GRM4: variants seen among roughly 807,000 people sequenced by gnomAD.
GRM4 encodes metabotropic glutamate receptor 4.
Under a neutral mutation model 81.7 loss-of-function variants are expected in GRM4, and 28 were observed. The observed-to-expected ratio is 0.34, with a 90% CI of 0.25 to 0.47. GRM4 has a LOEUF of 0.47. GRM4 is among the 20% of genes least tolerant of loss of function. The pLI is 1.00. For synonymous variants in GRM4, 488 were observed against 528.8 expected (o/e 0.92, Z 1.06); for missense variants, 948 against 1,290.0 (o/e 0.73, Z 4.06).
chr6:34,100,497 TC>T (rs974194396), intron 2 of GRM4, among the ~76,000 whole-genome samples: 3 of 152,046 alleles, frequency 2.0e-5, no homozygotes, highest in African/African-American at 7.2e-5. Flanking sequence ...TCCACCAGCC[TC>T]CCCCCATACA....
chr6:34,073,140 C>G (rs1472071933), intron 3 of GRM4, among the ~76,000 whole-genome samples: 6 of 24,892 alleles, frequency 2.4e-4, no homozygotes, highest in Non-Finnish European at 4.8e-4. Context: ...CACACACACA[C>G]ACACACATCA....
chr6:34,049,260 G>A (rs748916985), intron 6 of GRM4, among the ~76,000 whole-genome samples: 5 of 152,132 alleles, frequency 3.3e-5, no homozygotes, highest in South Asian at 4.2e-4. Flanking sequence ...CAATGGCCCC[G>A]TCCAGCCCTT....
rs138689656 is a variant in GRM4, at chr6:34,045,848, T to C, written c.1169-5100A>G. On this transcript the variant is annotated intron_variant, in intron 6 of 10. Coordinates refer to ENST00000538487, the MANE Select transcript of GRM4 (RefSeq NM_000841.4). ...AATTCCAGACACATGGCAGTGACAG[T>C]AGCAACAGTTTGAAGATGTCCTAAT... Among the ~76,000 whole-genome samples, 433 of 152,164 alleles carry C rather than the reference T, an allele frequency of 2.8e-3. 2 individuals carry two copies. Among genetic ancestry groups the C allele is most frequent in the African/African-American group, 9.7e-3 (404 of 41,462 alleles).
At chr6:34,026,178 A>G (rs985631427) in intron 10 of GRM4, among the ~76,000 whole-genome samples, 4 of 152,192 alleles carry the variant, frequency 2.6e-5, no homozygotes, top group African/African-American at 9.7e-5. Flanking sequence ...TTGTTTAAAG[A>G]TATGTAGCCT....
chr6:34,069,164 GTA>G lies in GRM4; in HGVS notation c.737-7138_737-7137del, dbSNP rs1021468913. On this transcript the variant is annotated intron_variant, in intron 3 of 10. Coordinates refer to ENST00000538487, the MANE Select transcript of GRM4 (RefSeq NM_000841.4). The surrounding 1 kb of genome is among the most constrained non-coding windows in gnomAD (Gnocchi z 6.4). ...AAGCTACCCCTGGACCCTCATGGGCGTATACACACACACACACACACACACAC... is the reference window on the plus strand; with the variant it reads ...AAGCTACCCCTGGACCCTCATGGGCGTACACACACACACACACACACACAC... Among the ~76,000 whole-genome samples the G allele has an allele frequency of 5.5e-4, 66 of 120,712 alleles. 1 individual carries two copies. The highest frequency in any genetic ancestry group is 4.0e-3 in the Middle Eastern group (1 of 252). The allele number at this position is 120,712 out of a possible 152,430, so 79.2% of individuals were successfully genotyped here.
At chr6:34,066,213 C>T (rs748109123) in intron 3 of GRM4, among the ~76,000 whole-genome samples, 8 of 152,054 alleles carry the variant, frequency 5.3e-5, no homozygotes, top group East Asian at 3.9e-4. Context: ...AGGGAAACCC[C>T]GGCACGTGGG....
At chr6:34,138,587 G>A (rs575039504) in intron 1 of GRM4, among the ~76,000 whole-genome samples, 9 of 152,306 alleles carry the variant, frequency 5.9e-5, no homozygotes, top group Non-Finnish European at 7.4e-5. Context: ...CTATCCATCC[G>A]GGCCCCCACT....
chr6:34,068,191 C>T lies in GRM4; in HGVS notation c.737-6163G>A, dbSNP rs1766587878. ...TGCATCCCCTCAGCCCACCTGGATT[C>T]ACCCTGGAGAACAGGGAGGCTTGGG... On this transcript the variant is annotated intron_variant, in intron 3 of 10. Transcript: ENST00000538487. The surrounding 1 kb of genome is among the most constrained non-coding windows in gnomAD (Gnocchi z 4.2). Among the ~76,000 whole-genome samples the T allele has an allele frequency of 6.6e-6, 1 of 152,146 alleles. No homozygotes were observed. Among genetic ancestry groups the T allele is most frequent in the African/African-American group, 2.4e-5 (1 of 41,436 alleles).
intron 2 of GRM4, among the ~76,000 whole-genome samples, chr6:34,125,189 G>A (rs879900291): frequency 2.0e-5 from 3 of 152,168 alleles, no homozygotes; most frequent in Non-Finnish European, 2.9e-5. Context: ...TCACCAGGAT[G>A]GTCTCGATCT....
rs1220322677 is a variant in GRM4, at chr6:34,059,422, T to TC, written c.873-295dup. ...TCTGTCCCTGCAAAGACCACACCTC[T>TC]CCCCTCCAGATCCACACCCGCCCCA... On this transcript the variant is annotated intron_variant, in intron 4 of 10. Transcript: ENST00000538487. The surrounding 1 kb of genome is among the most constrained non-coding windows in gnomAD (Gnocchi z 5.7). The TC allele has an allele frequency of 6.1e-5, 23 of 378,524 alleles. No homozygotes were observed. The highest frequency in any genetic ancestry group is 9.8e-5 in the Non-Finnish European group (20 of 204,340). The allele number at this position is 378,524 out of a possible 1,614,324, so 23.4% of individuals were successfully genotyped here.
At chr6:34,154,326 T>C (rs1771103629) in intron 1 of GRM4, among the ~76,000 whole-genome samples, 1 of 152,156 alleles carries the variant, frequency 6.6e-6, no homozygotes, top group Non-Finnish European at 1.5e-5. Context: ...CCTCTCGTTC[T>C]CACCTCTGTG....
intron 1 of GRM4, among the ~76,000 whole-genome samples, chr6:34,140,485 G>A (rs1389073726): frequency 1.3e-5 from 2 of 152,166 alleles, no homozygotes; most frequent in East Asian, 3.9e-4. Context: ...GGACAGCCAC[G>A]TGCAAAGGCC....
At chr6:34,155,188 T>C in exon 1 of GRM4, 2 of 1,535,360 alleles carry the variant, frequency 1.3e-6, no homozygotes, top group Non-Finnish European at 1.7e-6. Context: ...GCTCACCTGC[T>C]CTCCTGGCAG....
intron 1 of GRM4, among the ~76,000 whole-genome samples, chr6:34,143,217 A>G (rs1375432786): frequency 6.6e-6 from 1 of 152,168 alleles, no homozygotes; most frequent in African/African-American, 2.4e-5. Context: ...ACATAAAGAC[A>G]GCGGCCACCC....
chr6:34,121,173 T>C lies in GRM4; in HGVS notation c.519+11805A>G, dbSNP rs956333314. 6.6e-6 allele frequency among the ~76,000 whole-genome samples: 1 copy of C among 152,136 alleles called. No homozygotes were observed. Among genetic ancestry groups the C allele is most frequent in the African/African-American group, 2.4e-5 (1 of 41,430 alleles). On this transcript the variant is annotated intron_variant, in intron 2 of 10. Transcript: ENST00000538487. The surrounding 1 kb of genome is among the most constrained non-coding windows in gnomAD (Gnocchi z 4.6). Reference sequence around the variant, plus strand: ...CTGAAGTCTCCTCTCAGAACAGTCCTGACCCCGGAAACCACTCACCCTCAC... The same window carrying C: ...CTGAAGTCTCCTCTCAGAACAGTCCCGACCCCGGAAACCACTCACCCTCAC...
Position 34,082,213 on chromosome 6 carries a change from ACAG to A in GRM4, c.736+9667_736+9669del, listed in dbSNP as rs1767640365. ...GCTCAGTAAGGAGGAGAAAGAAACA[ACAG>A]AAGAAAATGAGCTTGAAGAAATGGG... On this transcript the variant is annotated intron_variant, in intron 3 of 10. Transcript: ENST00000538487. Among the ~76,000 whole-genome samples the A allele has an allele frequency of 6.6e-5, 10 of 152,366 alleles. No individual in the cohort carries two copies. In the South Asian group the frequency reaches 1.7e-3, roughly 25 times the overall value.
In GRM4 at chr6:34,125,035, G is replaced by A. The variant is rs185787364; in HGVS notation, c.519+7943C>T. Among the ~76,000 whole-genome samples the A allele has an allele frequency of 5.6e-3, 850 of 152,002 alleles. 6 individuals carry two copies. The highest frequency in any genetic ancestry group is 0.019 in the African/African-American group (797 of 41,480). On this transcript the variant is annotated intron_variant, in intron 2 of 10. Transcript: ENST00000538487. ...GTCGCCCAGGCTGGAGTGCGGTGGC[G>A]CTATCTCTGCTCACTGCAAGCTCCG...
At chr6:34,072,899 C>A (rs1347573866) in intron 3 of GRM4, among the ~76,000 whole-genome samples, 4 of 36,286 alleles carry the variant, frequency 1.1e-4, no homozygotes, top group Non-Finnish European at 1.7e-4. Context: ...ACACAGATAC[C>A]ACACACACAT....
At chr6:34,123,429 T>C (rs1033786322) in intron 2 of GRM4, among the ~76,000 whole-genome samples, 1 of 152,120 alleles carries the variant, frequency 6.6e-6, no homozygotes, top group East Asian at 1.9e-4. Flanking sequence ...AGGACAAACA[T>C]GACCGGGCCC....
Sources: gnomAD v4.1 joint callset for allele counts (sites outside exome capture counted in the v4.1 genomes callset) on GRCh38, gnomAD v4.1.1 for gene constraint, Gnocchi (gnomAD v3.1) non-coding constraint, MANE v1.5 for transcripts, NCBI Gene and HGNC (gene_info 2026-07-23, HGNC 2026-07-21) for gene names.